Variants in PYROXD2 observed in about 807,000 individuals in gnomAD.
The protein encoded by PYROXD2 is pyridine nucleotide-disulfide oxidoreductase domain-containing protein 2.
A neutral mutation model predicts 71.1 loss-of-function variants in PYROXD2; 69 were observed. The observed-to-expected ratio is 0.97, with a 90% CI of 0.80 to 1.19. The LOEUF is 1.19. Among genes scored for constraint, PYROXD2 ranks in the 50% most tolerant of loss-of-function variants. The probability of loss-of-function intolerance (pLI) is 0.00; values close to 1 mark genes in which losing one functional copy is unlikely to be tolerated. For synonymous variants in PYROXD2, 287 were observed against 302.7 expected, an observed-to-expected ratio of 0.95 and a Z score of 0.54; for missense variants, 745 against 748.9, an observed-to-expected ratio of 0.99 and a Z score of 0.06.
In PYROXD2 at chr10:98,392,928, G is replaced by C; in HGVS notation, c.927+14C>G. The stretch of plus-strand genomic sequence containing the variant: ...CCTTACTAATAATTGGGGTGGGGTA[G>C]AGGGGCCGTTCACCTTTTCAGTGAA... On this transcript the variant is annotated intron_variant, in intron 9 of 15. Coordinates refer to ENST00000370575, the MANE Select transcript of PYROXD2 (RefSeq NM_032709.3). 1.2e-6 allele frequency: 2 copies of C among 1,612,546 alleles called. No individual in the cohort carries two copies. The highest frequency in any genetic ancestry group is 1.7e-6 in the Non-Finnish European group (2 of 1,179,064).
intron 1 of PYROXD2, among the ~76,000 whole-genome samples, chr10:98,413,650 G>T (rs1391593131): frequency 6.6e-6 from 1 of 151,982 alleles, no homozygotes; most frequent in Non-Finnish European, 1.5e-5. Context: ...GGAGGCGGAG[G>T]TTGCAGTGAG....
intron 8 of PYROXD2, among the ~76,000 whole-genome samples, chr10:98,394,904 A>G (rs1843104781): frequency 6.6e-6 from 1 of 152,104 alleles, no homozygotes; most frequent in Non-Finnish European, 1.5e-5. Context: ...GCAGTAGGGC[A>G]CAGTCACTAA....
Position 98,392,541 on chromosome 10 carries a change from C to G in PYROXD2, c.953G>C (p.Ser318Thr). Residue 318 changes from serine to threonine, a missense_variant, in exon 10 of 16, where the codon AGT becomes ACT. Ser to Thr is a moderately conservative substitution (Grantham distance 58, BLOSUM62 1). Coordinates refer to ENST00000370575, the MANE Select transcript of PYROXD2 (RefSeq NM_032709.3). The stretch of plus-strand genomic sequence containing the variant: ...CACAACTCCTTGAACACAGCCTTCA[C>G]TGTTCACCTGCACCTTCGCCACTGT... ...EKTVAKVQVN[S>T]EGCVQGVVLE... 1.2e-6 allele frequency: 2 copies of G among 1,612,794 alleles called. No homozygotes were observed. Among genetic ancestry groups the G allele is most frequent in the Non-Finnish European group, 1.7e-6 (2 of 1,180,016 alleles).
chr10:98,388,309 A>G (rs1459382151), intron 13 of PYROXD2, 45 bp downstream of exon 13: 2 of 1,607,504 alleles, frequency 1.2e-6, no homozygotes, highest in African/African-American at 2.7e-5. Context: ...GTTGGGTCGC[A>G]TGCCCGGCTG....
At position 98,393,010 on chromosome 10, in the gene PYROXD2, T is replaced by C. The variant is rs768812481; in HGVS notation, c.859A>G (p.Met287Val). The change falls in exon 9 of 16, where the codon ATG becomes GTG. Residue 287 changes from methionine to valine, a missense_variant. Coordinates refer to ENST00000370575, the MANE Select transcript of PYROXD2 (RefSeq NM_032709.3). ...GCGATCGCATCAGAGAGGGCACCCA[T>C]GCCCCCCTGGACGTAGCCCCAGGCC... ...QGAWGYVQGG[M>V]GALSDAIASS... 1 of 1,613,290 alleles carries C rather than the reference T, an allele frequency of 6.2e-7. No homozygotes were observed.
rs1387954617 is a variant in PYROXD2, at chr10:98,387,302, C to A, written c.1453G>T (p.Asp485Tyr). Reference protein sequence around the residue: ...ERDAYADRVFDCIEVYAPGFK... With the variant: ...ERDAYADRVFYCIEVYAPGFK... ...CCAGGGGCATAGACCTCGATGCAAT[C>A]AAACACTGGGGTGCCAAAAACAGAG... Residue 485 changes from aspartate (D) to tyrosine (Y), a missense_variant, in exon 14 of 16, where the codon GAT becomes TAT. Physicochemically the swap from Asp to Tyr is radical, Grantham distance 160. Coordinates refer to ENST00000370575, the MANE Select transcript of PYROXD2 (RefSeq NM_032709.3). 2 of 1,612,920 alleles carry A rather than the reference C, an allele frequency of 1.2e-6. No individual in the cohort carries two copies. The highest frequency in any genetic ancestry group is 2.2e-5 in the East Asian group (1 of 44,864).
At position 98,395,326 on chromosome 10, in the gene PYROXD2, G is replaced by A. The variant is rs901552039; in HGVS notation, c.688-33C>T. 5 of 1,613,792 alleles carry A rather than the reference G, an allele frequency of 3.1e-6. No individual in the cohort carries two copies. In the Admixed American group the frequency reaches 6.7e-5, roughly 22 times the overall value. ...GCACAACAGCAGAGAGAAGGGCTTAGGAGCCTGGATGGGAGGAGGGCCCTC... is the reference window on the plus strand; with the variant it reads ...GCACAACAGCAGAGAGAAGGGCTTAAGAGCCTGGATGGGAGGAGGGCCCTC... On this transcript the variant is annotated intron_variant, in intron 7 of 15. Coordinates refer to ENST00000370575, the MANE Select transcript of PYROXD2 (RefSeq NM_032709.3).
chr10:98,386,327 G>GGA (rs1554873931), intron 14 of PYROXD2, among the ~76,000 whole-genome samples: 13,139 of 134,830 alleles, frequency 0.097, 1,007 homozygotes, highest in African/African-American at 0.21. Context: ...GGAAGGGAGG[G>GGA]AGGAAGGAAG....
chr10:98,400,351 A>G, intron 4 of PYROXD2, 94 bp from the exon 5 acceptor site: 1 of 1,263,454 alleles, frequency 7.9e-7, no homozygotes, highest in South Asian at 1.5e-5. Context: ...CCATTTAGGT[A>G]CCTGTGTGTA....
At chr10:98,390,100 AGCGGACAGGATGGAAAGGCACTT>A (rs1404280590) in intron 12 of PYROXD2, among the ~76,000 whole-genome samples, 1 of 152,196 alleles carries the variant, frequency 6.6e-6, no homozygotes, top group African/African-American at 2.4e-5. Context: ...TGTGCTGGAC[AGCGGACAGGATGGAAAGGCACTT>A]GCTCCTATAG....
intron 4 of PYROXD2, among the ~76,000 whole-genome samples, chr10:98,402,571 T>C (rs1843451033): frequency 6.6e-6 from 1 of 152,216 alleles, no homozygotes; most frequent in African/African-American, 2.4e-5. Flanking sequence ...CAAGAGCACA[T>C]CCACTTCTTC....
intron 5 of PYROXD2, among the ~76,000 whole-genome samples, chr10:98,398,163 G>C (rs374889664): frequency 6.6e-6 from 1 of 152,140 alleles, no homozygotes; most frequent in South Asian, 2.1e-4. Flanking sequence ...GATTACAGGC[G>C]TGAGCCGCCA....
Position 98,383,726 on chromosome 10 carries a change from G to T in PYROXD2, c.*72C>A. Reference sequence around the variant, plus strand: ...GTACTAACCCGAAGCTGAACTTCCTGGGAAGCTGATCCAATGGAGCACTTG... The same window carrying T: ...GTACTAACCCGAAGCTGAACTTCCTTGGAAGCTGATCCAATGGAGCACTTG... On this transcript the variant is annotated 3_prime_UTR_variant, in exon 16 of 16. Transcript: ENST00000370575. 1 of 1,332,562 alleles carries T rather than the reference G, an allele frequency of 7.5e-7. No individual in the cohort carries two copies. Among genetic ancestry groups the T allele is most frequent in the Non-Finnish European group, 1.1e-6 (1 of 923,338 alleles). 82.5% of individuals were successfully genotyped at this position (1,332,562 alleles called of 1,614,324 possible). A position where few individuals can be genotyped will look rare whatever the true frequency, so the allele number is the denominator to read the frequency against.
Position 98,390,690 on chromosome 10 carries a change from G to T in PYROXD2, c.1200C>A (p.Pro400=). The T allele has an allele frequency of 6.2e-7, 1 of 1,612,930 alleles. No individual in the cohort carries two copies. The highest frequency in any genetic ancestry group is 1.1e-5 in the South Asian group (1 of 90,908). ...APNAPRGQPL[P]HHQCSIHLNC... ...TCAGGTGGATGGAGCATTGGTGATGGGGCAGCGGCTGGCCCCTGGGAGCAT... is the reference window on the plus strand; with the variant it reads ...TCAGGTGGATGGAGCATTGGTGATGTGGCAGCGGCTGGCCCCTGGGAGCAT... The change falls in exon 12 of 16, where the codon CCC becomes CCA. Residue 400 remains proline, a synonymous_variant. Transcript: ENST00000370575.
intron 5 of PYROXD2, among the ~76,000 whole-genome samples, chr10:98,397,969 G>A (rs11819729): frequency 7.0e-6 from 1 of 143,858 alleles, no homozygotes; most frequent in African/African-American, 2.6e-5. Context: ...TGCAACCTCT[G>A]CCTCCCAGGT....
intron 14 of PYROXD2, 24 bp from the exon 15 acceptor site, chr10:98,385,091 T>G: frequency 1.2e-6 from 2 of 1,613,110 alleles, no homozygotes; most frequent in Admixed American, 3.3e-5. Flanking sequence ...GCCACAGTCA[T>G]CAGCACAGGA....
chr10:98,388,616 G>A, intron 12 of PYROXD2, 108 bp from the exon 13 acceptor site: 2 of 1,213,044 alleles, frequency 1.6e-6, no homozygotes. Flanking sequence ...CACCAATTCT[G>A]GGCGATTGTC....
intron 1 of PYROXD2, 74 bp downstream of exon 1, chr10:98,414,935 C>A: frequency 6.4e-7 from 1 of 1,557,732 alleles, no homozygotes; most frequent in South Asian, 1.2e-5. Flanking sequence ...CTCCCCCTCC[C>A]CCTCCCCACC....
chr10:98,402,172 T>G (rs947709804), intron 4 of PYROXD2, among the ~76,000 whole-genome samples: 3 of 152,208 alleles, frequency 2.0e-5, no homozygotes, highest in Non-Finnish European at 4.4e-5. Context: ...AGTCTATCGT[T>G]GACCAACATG....
Sources: allele counts gnomAD v4.1 joint callset (sites outside exome capture counted in the v4.1 genomes callset), GRCh38; gene constraint gnomAD v4.1.1; transcripts MANE v1.5; gene names NCBI Gene and HGNC (gene_info 2026-07-23, HGNC 2026-07-21).